HS3ST4: variants seen among roughly 807,000 people sequenced by gnomAD.
The protein encoded by HS3ST4 is heparan sulfate glucosamine 3-O-sulfotransferase 4.
A neutral mutation model predicts 29.2 loss-of-function variants in HS3ST4; 17 were observed. That is an observed-to-expected ratio of 0.58 (90% CI 0.40 to 0.87). The LOEUF (loss-of-function observed/expected upper bound fraction) is 0.87. Among genes scored for constraint, HS3ST4 ranks in the 40% least tolerant of loss-of-function variants. The pLI, the probability that HS3ST4 is intolerant of heterozygous loss-of-function variation, is 0.00. For missense variants in HS3ST4, 627 were observed against 634.5 expected (o/e 0.99, Z 0.13); for synonymous variants, 314 against 285.7 (o/e 1.10, Z -1.00).
intron 1 of HS3ST4, among the ~76,000 whole-genome samples, chr16:25,978,071 C>G (rs2141720758): frequency 6.6e-6 from 1 of 152,298 alleles, no homozygotes; most frequent in South Asian, 2.1e-4. Context: ...GTCTACCATG[C>G]AGGAACGTGG....
intron 1 of HS3ST4, among the ~76,000 whole-genome samples, chr16:26,060,484 C>G (rs1407018620): frequency 6.6e-6 from 1 of 152,114 alleles, no homozygotes; most frequent in East Asian, 1.9e-4. Flanking sequence ...TCCAACAGCT[C>G]AACATTTTAC....
chr16:25,801,469 A>G (rs1261611291), intron 1 of HS3ST4, among the ~76,000 whole-genome samples: 3 of 152,226 alleles, frequency 2.0e-5, no homozygotes, highest in Non-Finnish European at 4.4e-5. Flanking sequence ...ATGCATTGAC[A>G]AATACAATTT....
At chr16:26,089,245 A>G (rs1898823818) in intron 1 of HS3ST4, among the ~76,000 whole-genome samples, 1 of 152,236 alleles carries the variant, frequency 6.6e-6, no homozygotes, top group South Asian at 2.1e-4. Flanking sequence ...AAGGCAAAAC[A>G]GGACCATCTG....
At chr16:25,784,588 A>T (rs895877117) in intron 1 of HS3ST4, among the ~76,000 whole-genome samples, 2 of 152,242 alleles carry the variant, frequency 1.3e-5, no homozygotes, top group Non-Finnish European at 2.9e-5. Context: ...CTTTTAAGTC[A>T]AAGTCTAATC....
chr16:25,785,140 C>T (rs1249148440), intron 1 of HS3ST4, among the ~76,000 whole-genome samples: 1 of 152,174 alleles, frequency 6.6e-6, no homozygotes, highest in Admixed American at 6.5e-5. Flanking sequence ...AGACCTACTG[C>T]TTTTTAAAAA....
chr16:25,842,492 A>G (rs1427054558), intron 1 of HS3ST4, among the ~76,000 whole-genome samples: 1 of 152,184 alleles, frequency 6.6e-6, no homozygotes, highest in African/African-American at 2.4e-5. Context: ...GATGTTTTGG[A>G]AGGAAGAAGC....
intron 1 of HS3ST4, among the ~76,000 whole-genome samples, chr16:25,838,855 G>T (rs1967386831): frequency 6.6e-6 from 1 of 152,120 alleles, no homozygotes; most frequent in Non-Finnish European, 1.5e-5. Context: ...CCGATGAGAT[G>T]GGGGAGGTGC....
intron 1 of HS3ST4, among the ~76,000 whole-genome samples, chr16:26,106,877 C>G (rs951021838): frequency 3.3e-5 from 5 of 152,180 alleles, no homozygotes; most frequent in African/African-American, 1.2e-4. Flanking sequence ...TTGTCATGCC[C>G]TGTGGGCAAG....
chr16:25,976,010 T>C lies in HS3ST4; in HGVS notation c.735-159602T>C, dbSNP rs559459673. ...GGATCCTTAGAGGTACAATTAATGT[T>C]ATTTTAGGAAGGAAATAAGTTGAAT... On this transcript the variant is annotated intron_variant, in intron 1 of 1. Transcript: ENST00000331351. Among the ~76,000 whole-genome samples the C allele has an allele frequency of 2.6e-5, 4 of 152,312 alleles. No homozygotes were observed. The South Asian group carries it at 8.3e-4, about 32-fold the overall frequency.
intron 1 of HS3ST4, among the ~76,000 whole-genome samples, chr16:25,982,447 T>C (rs1031347207): frequency 3.3e-5 from 5 of 152,122 alleles, no homozygotes; most frequent in East Asian, 1.9e-4. Flanking sequence ...CACAAGCAGG[T>C]GTCTGGATTT....
At chr16:26,103,451 G>A (rs1042417373) in intron 1 of HS3ST4, among the ~76,000 whole-genome samples, 22 of 152,114 alleles carry the variant, frequency 1.4e-4, no homozygotes, top group African/African-American at 4.1e-4. Context: ...CAAGAAAGCC[G>A]TTAACAGATA....
rs186734923 is a variant in HS3ST4, at chr16:25,724,444, A to G, written c.734+31293A>G. Among the ~76,000 whole-genome samples, 26 of 149,872 alleles carry G rather than the reference A, an allele frequency of 1.7e-4. No individual in the cohort carries two copies. In the Admixed American group the frequency reaches 1.7e-3, roughly 10 times the overall value. ...GATGGTACCATCTTGGTTCACTGCAACCTCCATCTCCCAGGTTCAAGCGAT... is the reference window on the plus strand; with the variant it reads ...GATGGTACCATCTTGGTTCACTGCAGCCTCCATCTCCCAGGTTCAAGCGAT... On this transcript the variant is annotated intron_variant, in intron 1 of 1. Coordinates refer to ENST00000331351, the MANE Select transcript of HS3ST4 (RefSeq NM_006040.3).
At chr16:25,817,908 C>T (rs1455528999) in intron 1 of HS3ST4, among the ~76,000 whole-genome samples, 1 of 152,136 alleles carries the variant, frequency 6.6e-6, no homozygotes, top group Non-Finnish European at 1.5e-5. Flanking sequence ...TTAGGTAATA[C>T]CTTTCCCCCA....
chr16:25,853,207 C>T (rs1250340024), intron 1 of HS3ST4, among the ~76,000 whole-genome samples: 1 of 151,898 alleles, frequency 6.6e-6, no homozygotes, highest in East Asian at 1.9e-4. Flanking sequence ...TAAAGAAATG[C>T]AACTGATTTT....
At chr16:25,720,085 A>C (rs557833689) in intron 1 of HS3ST4, among the ~76,000 whole-genome samples, 7 of 152,330 alleles carry the variant, frequency 4.6e-5, no homozygotes, top group African/African-American at 1.7e-4. Context: ...AAAATAAGGC[A>C]CAGGAGAGAA....
intron 1 of HS3ST4, among the ~76,000 whole-genome samples, chr16:25,968,801 A>C (rs907637678): frequency 2.0e-5 from 3 of 151,896 alleles, no homozygotes; most frequent in African/African-American, 7.3e-5. Context: ...ACCATCAACA[A>C]AATTTTTGTT....
At chr16:25,835,460 G>A (rs1967347068) in intron 1 of HS3ST4, among the ~76,000 whole-genome samples, 1 of 150,876 alleles carries the variant, frequency 6.6e-6, no homozygotes, top group Admixed American at 6.7e-5. Flanking sequence ...TGAGTGAGTG[G>A]GGATATTATT....
chr16:25,924,889 A>G (rs1331416405), intron 1 of HS3ST4, among the ~76,000 whole-genome samples: 2 of 152,126 alleles, frequency 1.3e-5, no homozygotes, highest in African/African-American at 2.4e-5. Flanking sequence ...TCAATTTTAC[A>G]TTGTGATTTG....
At chr16:25,857,678 G>A (rs1361603991) in intron 1 of HS3ST4, among the ~76,000 whole-genome samples, 1 of 152,060 alleles carries the variant, frequency 6.6e-6, no homozygotes, top group African/African-American at 2.4e-5. Flanking sequence ...CAAATGCCTG[G>A]GTTGGTATCA....
Sources: gnomAD v4.1 joint callset for allele counts (sites outside exome capture counted in the v4.1 genomes callset) on GRCh38, gnomAD v4.1.1 for gene constraint, MANE v1.5 for transcripts, NCBI Gene and HGNC (gene_info 2026-07-23, HGNC 2026-07-21) for gene names.